Variants in FBXO28 observed in about 807,000 individuals in gnomAD.
FBXO28 encodes F-box protein 28, also known as F-box only protein 28.
In FBXO28, 8 loss-of-function variants were observed where a neutral mutation model predicts 38.1. The ratio of observed to expected loss-of-function variants is 0.21; its 90% CI spans 0.12 to 0.38. The LOEUF (loss-of-function observed/expected upper bound fraction) is 0.38. FBXO28 is among the 10% of genes least tolerant of loss of function. The pLI is 1.00. For missense variants in FBXO28, 345 were observed against 460.6 expected (o/e 0.75, Z 2.30); for synonymous variants, 168 against 173.8 (o/e 0.97, Z 0.26).
intron 3 of FBXO28, among the ~76,000 whole-genome samples, chr1:224,139,764 G>GCATACATACATACATA (rs57108038): frequency 3.6e-4 from 53 of 146,044 alleles, no homozygotes; most frequent in Admixed American, 1.6e-3. Context: ...ATGCATGCAT[G>GCATACATACATACATA]CATACATACA....
At chr1:224,128,153 T>C (rs1274735353) in intron 1 of FBXO28, among the ~76,000 whole-genome samples, 2 of 152,014 alleles carry the variant, frequency 1.3e-5, no homozygotes, top group Non-Finnish European at 2.9e-5. Context: ...TCAACAAATA[T>C]TTGTTGATCG....
chr1:224,142,675 C>G (rs1335075868), intron 3 of FBXO28, among the ~76,000 whole-genome samples: 1 of 152,050 alleles, frequency 6.6e-6, no homozygotes, highest in Non-Finnish European at 1.5e-5. Flanking sequence ...AATTGCCAGG[C>G]ACAGTGGCTC....
intron 2 of FBXO28, chr1:224,130,806 G>A: frequency 2.4e-6 from 1 of 424,218 alleles, no homozygotes; most frequent in East Asian, 4.0e-5. Flanking sequence ...TGAAATACAA[G>A]GCATCCAAAT....
chr1:224,138,120 C>A (rs111844907), intron 3 of FBXO28, among the ~76,000 whole-genome samples: 8 of 151,516 alleles, frequency 5.3e-5, no homozygotes, highest in African/African-American at 2.0e-4. Flanking sequence ...CCCAGCTACT[C>A]AGGAGACTGA....
At chr1:224,131,929 T>G (rs1657057685) in intron 2 of FBXO28, among the ~76,000 whole-genome samples, 1 of 152,172 alleles carries the variant, frequency 6.6e-6, no homozygotes, top group Non-Finnish European at 1.5e-5. Context: ...TGAGGAACTC[T>G]TACAACTCAA....
intron 3 of FBXO28, among the ~76,000 whole-genome samples, chr1:224,138,232 A>G (rs1260610123): frequency 6.6e-6 from 1 of 151,838 alleles, no homozygotes; most frequent in Non-Finnish European, 1.5e-5. Flanking sequence ...TGCCACAAAA[A>G]AAAAGAATTT....
At chr1:224,135,630 A>AAAAAAAAAAAAG (rs1553290016) in intron 3 of FBXO28, among the ~76,000 whole-genome samples, 65 of 115,806 alleles carry the variant, frequency 5.6e-4, no homozygotes, top group African/African-American at 6.2e-4. Context: ...AAAAAAAAAA[A>AAAAAAAAAAAAG]AAAAAGAAAA....
chr1:224,124,998 T>A (rs1656871376), intron 1 of FBXO28, among the ~76,000 whole-genome samples: 1 of 152,186 alleles, frequency 6.6e-6, no homozygotes, highest in East Asian at 1.9e-4. Flanking sequence ...TGATCTCTTG[T>A]GTTTTTGTGC....
chr1:224,150,282 T>G (rs1657610546), intron 3 of FBXO28, among the ~76,000 whole-genome samples: 1 of 152,086 alleles, frequency 6.6e-6, no homozygotes, highest in Admixed American at 6.6e-5. Flanking sequence ...CAATACCATG[T>G]CATTTCCAGC....
chr1:224,159,775 G>T lies in FBXO28; in HGVS notation c.*2029G>T, dbSNP rs1657856785. Reference sequence around the variant, plus strand: ...AGAGTGTGATCCGTATGCATCAAAGGGATACAGCCCCAGACTGTTTCTTTA... The same window carrying T: ...AGAGTGTGATCCGTATGCATCAAAGTGATACAGCCCCAGACTGTTTCTTTA... On this transcript the variant is annotated 3_prime_UTR_variant, in exon 5 of 5. Coordinates refer to ENST00000366862, the MANE Select transcript of FBXO28 (RefSeq NM_015176.4). The T allele has an allele frequency of 6.6e-6, 1 of 151,918 alleles. No individual in the cohort carries two copies. Among genetic ancestry groups the T allele is most frequent in the South Asian group, 2.1e-4 (1 of 4,816 alleles). 9.4% of individuals were successfully genotyped at this position (151,918 alleles called of 1,614,324 possible). A position where few individuals can be genotyped will look rare whatever the true frequency, so the allele number is the denominator to read the frequency against.
At chr1:224,134,276 G>T (rs1572013707) in intron 3 of FBXO28, 64 bp downstream of exon 3, 2 of 1,511,036 alleles carry the variant, frequency 1.3e-6, no homozygotes, top group African/African-American at 1.4e-5. Context: ...ATACAGTTAT[G>T]AATTTCTGAT....
chr1:224,117,165 A>ATTTTT lies in FBXO28; in HGVS notation c.267+2784_267+2788dup, dbSNP rs71168310. ...AAAAATAAAAATAAAAATAAATTGG[A>ATTTTT]TTTTTTTTTTTTTTTTTTTGAGACG... On this transcript the variant is annotated intron_variant, in intron 1 of 4. Transcript: ENST00000366862. 5.6e-3 allele frequency among the ~76,000 whole-genome samples: 678 copies of ATTTTT among 122,156 alleles called. 29 individuals are homozygous for ATTTTT. Among genetic ancestry groups the ATTTTT allele is most frequent in the African/African-American group, 0.02 (605 of 30,742 alleles). The allele number at this position is 122,156 out of a possible 152,430, so 80.1% of individuals were successfully genotyped here. A position where few individuals can be genotyped will look rare whatever the true frequency, so the allele number is the denominator to read the frequency against.
intron 3 of FBXO28, among the ~76,000 whole-genome samples, chr1:224,139,772 A>ACATACATACATGCATGCATGCATGCATG (rs1657299262): frequency 8.5e-6 from 1 of 118,154 alleles, no homozygotes; most frequent in Non-Finnish European, 1.8e-5. Context: ...ATGCATACAT[A>ACATACATACATGCATGCATGCATGCATG]CATACATACA....
At chr1:224,117,784 G>T (rs2048997) in intron 1 of FBXO28, among the ~76,000 whole-genome samples, 62,129 of 151,462 alleles carry the variant, frequency 0.41, 12,922 homozygotes, top group East Asian at 0.57. Flanking sequence ...AGGGTGGGCG[G>T]ATCACTTGAG....
chr1:224,149,178 T>A (rs1014415383), intron 3 of FBXO28, among the ~76,000 whole-genome samples: 8 of 152,214 alleles, frequency 5.3e-5, no homozygotes, highest in African/African-American at 1.9e-4. Flanking sequence ...ATTTTAAGTA[T>A]TCTATATTTT....
chr1:224,148,608 G>T (rs1223612728), intron 3 of FBXO28, among the ~76,000 whole-genome samples: 1 of 151,762 alleles, frequency 6.6e-6, no homozygotes, highest in Non-Finnish European at 1.5e-5. Flanking sequence ...CTTGCAGTGA[G>T]CCAAGATCGC....
intron 3 of FBXO28, 169 bp downstream of exon 3, chr1:224,134,381 T>A (rs1657127379): frequency 1.9e-6 from 1 of 525,906 alleles, no homozygotes; most frequent in Non-Finnish European, 3.2e-6. Flanking sequence ...ATTTGTATGA[T>A]CTTTATATTT....
At chr1:224,115,310 A>G (rs1158614937) in intron 1 of FBXO28, among the ~76,000 whole-genome samples, 1 of 152,234 alleles carries the variant, frequency 6.6e-6, no homozygotes, top group Non-Finnish European at 1.5e-5. Flanking sequence ...TGGTAAAGAA[A>G]TTGAAGGAGG....
chr1:224,145,595 A>C (rs1235604470), intron 3 of FBXO28, among the ~76,000 whole-genome samples: 2 of 152,166 alleles, frequency 1.3e-5, no homozygotes, highest in Non-Finnish European at 2.9e-5. Flanking sequence ...ATCATGATGC[A>C]GCACATAACC....
Sources: allele counts gnomAD v4.1 joint callset (sites outside exome capture counted in the v4.1 genomes callset), GRCh38; gene constraint gnomAD v4.1.1; transcripts MANE v1.5; gene names NCBI Gene and HGNC (gene_info 2026-07-23, HGNC 2026-07-21).